Variants in KIF13B observed in about 807,000 individuals in gnomAD.
KIF13B encodes the protein kinesin-like protein KIF13B.
In KIF13B, 127 loss-of-function variants were observed where a neutral mutation model predicts 222.0. The ratio of observed to expected loss-of-function variants is 0.57; its 90% CI spans 0.50 to 0.66. The LOEUF (loss-of-function observed/expected upper bound fraction) is 0.66, where lower values mean the gene tolerates loss of function less well. Among genes scored for constraint, KIF13B ranks in the 30% least tolerant of loss-of-function variants. The pLI is 0.00. For missense variants in KIF13B, 2,173 were observed against 2,379.0 expected (o/e 0.91, Z 1.80); for synonymous variants, 976 against 919.0 (o/e 1.06, Z -1.12).
chr8:29,245,711 T>C (rs1264798931), intron 1 of KIF13B, among the ~76,000 whole-genome samples: 4 of 152,134 alleles, frequency 2.6e-5, no homozygotes, highest in African/African-American at 9.7e-5. Flanking sequence ...ACCACTGTAC[T>C]AGGAATTCTA....
intron 2 of KIF13B, among the ~76,000 whole-genome samples, chr8:29,205,778 C>T (rs910266719): frequency 5.3e-5 from 8 of 152,060 alleles, no homozygotes; most frequent in Non-Finnish European, 4.4e-5. Context: ...AGTTGGAAAG[C>T]TTGGTACTTC....
intron 25 of KIF13B, 85 bp downstream of exon 25, chr8:29,127,037 T>C (rs1250882784): frequency 1.7e-6 from 2 of 1,199,262 alleles, no homozygotes; most frequent in East Asian, 2.4e-5. Context: ...GAAATGTTCA[T>C]AAAAAGTAGT....
chr8:29,238,298 T>C (rs1019296780), intron 2 of KIF13B, among the ~76,000 whole-genome samples: 15 of 152,222 alleles, frequency 9.9e-5, no homozygotes, highest in African/African-American at 3.6e-4. Flanking sequence ...CATTATGCAA[T>C]ATAATTTGCA....
In KIF13B at chr8:29,072,223, G is replaced by A; in HGVS notation, c.4615C>T (p.Pro1539Ser). Residue 1539 changes from proline to serine, a missense_variant, in exon 39 of 40, where the codon CCG becomes TCG. Transcript: ENST00000524189. ...ACCGCTGTGACAGCTATGACAGGCG[G>A]TGGGGAAGGCACTTTGGCAGGTTTG... is the stretch of plus-strand genomic sequence containing the variant. ...CDKPAKVPSPPPVIAVTAVTP... is the reference protein window; with the variant it reads ...CDKPAKVPSPSPVIAVTAVTP... 6.8e-7 allele frequency: 1 copy of A among 1,468,360 alleles called. No homozygotes were observed. Among genetic ancestry groups the A allele is most frequent in the Admixed American group, 2.6e-5 (1 of 39,052 alleles). The allele number at this position is 1,468,360 out of a possible 1,614,324, so 91.0% of individuals were successfully genotyped here.
chr8:29,229,707 A>G lies in KIF13B; in HGVS notation c.149+15639T>C, dbSNP rs558877471. The stretch of plus-strand genomic sequence containing the variant: ...TAGTTCAAGAAACCAACTCTGAGCA[A>G]TATTATGCAAATTGATGCTCTTCAG... On this transcript the variant is annotated intron_variant, in intron 2 of 39. Coordinates refer to ENST00000524189, the MANE Select transcript of KIF13B (RefSeq NM_015254.4). 8.7e-4 allele frequency among the ~76,000 whole-genome samples: 132 copies of G among 152,300 alleles called. 3 individuals carry two copies. Among genetic ancestry groups the G allele is most frequent in the Admixed American group, 7.7e-3 (118 of 15,298 alleles).
chr8:29,143,849 A>T (rs1413048436), intron 18 of KIF13B, among the ~76,000 whole-genome samples: 7 of 148,978 alleles, frequency 4.7e-5, no homozygotes. Context: ...TCTCAAAAAA[A>T]ATAATAATAA....
intron 16 of KIF13B, 39 bp from the exon 17 acceptor site, chr8:29,147,641 A>ACC: frequency 2.8e-6 from 4 of 1,423,262 alleles, no homozygotes; most frequent in Non-Finnish European, 2.9e-6. Flanking sequence ...ATCGAGAGTT[A>ACC]CAACATAATA....
chr8:29,203,892 C>CAAAAAAAAAAAA (rs11432771), intron 2 of KIF13B, among the ~76,000 whole-genome samples: 1 of 66,182 alleles, frequency 1.5e-5, no homozygotes, highest in Admixed American at 2.1e-4. Context: ...AGTTCCGTCT[C>CAAAAAAAAAAAA]AAAAAAAAAA....
At chr8:29,185,558 T>C (rs1196031255) in intron 6 of KIF13B, among the ~76,000 whole-genome samples, 1 of 152,214 alleles carries the variant, frequency 6.6e-6, no homozygotes, top group Non-Finnish European at 1.5e-5. Context: ...CAAGGAAAAC[T>C]GACAACAGAG....
At chr8:29,148,235 T>C (rs1284737962) in intron 16 of KIF13B, among the ~76,000 whole-genome samples, 2 of 152,202 alleles carry the variant, frequency 1.3e-5, no homozygotes, top group Non-Finnish European at 2.9e-5. Flanking sequence ...ACAAGAGAGA[T>C]TCTATCCATC....
intron 6 of KIF13B, among the ~76,000 whole-genome samples, chr8:29,182,378 A>G (rs1029527640): frequency 1.3e-5 from 2 of 152,220 alleles, no homozygotes; most frequent in Non-Finnish European, 2.9e-5. Flanking sequence ...TCAGTCATGA[A>G]GAAAGACAAA....
chr8:29,177,161 C>T (rs2130250055), intron 9 of KIF13B, among the ~76,000 whole-genome samples: 1 of 152,114 alleles, frequency 6.6e-6, no homozygotes, highest in South Asian at 2.1e-4. Context: ...CAGCTACTAT[C>T]GCCATCTAGT....
rs550509837 is a variant in KIF13B at position 29,067,646 on chromosome 8, C to CA, written c.*2857dup. On this transcript the variant is annotated 3_prime_UTR_variant, in exon 40 of 40. Transcript: ENST00000524189. ...GGGTCAGTATCTTGGGCAGGAAGCA[C>CA]AGGGTGACTCCCGTCTTGTGTGCGT... 10 of 152,396 alleles carry CA rather than the reference C, an allele frequency of 6.6e-5. 1 individual carries two copies. The East Asian group carries it at 1.9e-3, about 29-fold the overall frequency. The allele number at this position is 152,396 out of a possible 1,614,324, so 9.4% of individuals were successfully genotyped here.
At chr8:29,126,774 C>T (rs553509360) in intron 25 of KIF13B, among the ~76,000 whole-genome samples, 15 of 152,092 alleles carry the variant, frequency 9.9e-5, no homozygotes, top group East Asian at 1.9e-4. Flanking sequence ...TAGTCCCACT[C>T]GCCAGGGGAA....
At chr8:29,105,121 A>G (rs1808993047) in intron 35 of KIF13B, among the ~76,000 whole-genome samples, 1 of 151,748 alleles carries the variant, frequency 6.6e-6, no homozygotes, top group Non-Finnish European at 1.5e-5. Context: ...CATAAGCCAT[A>G]TTGCCTCGCT....
intron 35 of KIF13B, among the ~76,000 whole-genome samples, chr8:29,100,570 A>G (rs776063130): frequency 6.6e-6 from 1 of 151,724 alleles, no homozygotes; most frequent in Admixed American, 6.6e-5. Flanking sequence ...TAGACTCCTG[A>G]GTAGTTCGGA....
chr8:29,180,257 T>C lies in KIF13B; in HGVS notation c.586-19A>G, dbSNP rs375088697. 3.7e-6 allele frequency: 6 copies of C among 1,613,614 alleles called. No homozygotes were observed. The highest frequency in any genetic ancestry group is 1.3e-5 in the African/African-American group (1 of 75,052). On this transcript the variant is annotated intron_variant, in intron 7 of 39. Coordinates refer to ENST00000524189, the MANE Select transcript of KIF13B (RefSeq NM_015254.4). The stretch of plus-strand genomic sequence containing the variant: ...CAATATCCTAAGTGGAAACAAGTCA[T>C]AGACCCACGTTTCATTACTTGTGTA...
intron 35 of KIF13B, among the ~76,000 whole-genome samples, chr8:29,107,651 C>G (rs1187238117): frequency 1.3e-5 from 2 of 151,860 alleles, no homozygotes; most frequent in Non-Finnish European, 2.9e-5. Flanking sequence ...GCTCCGCCCC[C>G]CGGGGTTCAC....
upstream of KIF13B, chr8:29,263,119 G>C (rs578186117): frequency 3.5e-5 from 47 of 1,354,480 alleles, no homozygotes; most frequent in Non-Finnish European, 5.1e-6. Flanking sequence ...GGAGGGGGCC[G>C]GGGGCGGAGC....
Sources: gnomAD v4.1 joint callset for allele counts (sites outside exome capture counted in the v4.1 genomes callset) on GRCh38, gnomAD v4.1.1 for gene constraint, MANE v1.5 for transcripts, NCBI Gene and HGNC (gene_info 2026-07-23, HGNC 2026-07-21) for gene names.